TPCN1: variants seen among roughly 807,000 people sequenced by gnomAD.
The protein encoded by TPCN1 is two pore channel protein 1.
TPCN1 carries 52 observed loss-of-function variants against 108.8 expected under a neutral mutation model. The observed-to-expected ratio is 0.48, with a 90% confidence interval of 0.38 to 0.60. The LOEUF (loss-of-function observed/expected upper bound fraction) is 0.60. TPCN1 is among the 20% of genes least tolerant of loss of function. TPCN1 has a pLI of 0.00. For missense variants in TPCN1, 806 were observed against 1,072.8 expected, an observed-to-expected ratio of 0.75 and a Z score of 3.47; for synonymous variants, 446 against 433.7, an observed-to-expected ratio of 1.03 and a Z score of -0.35.
At chr12:113,276,497 A>G (rs2136669175) in intron 10 of TPCN1, among the ~76,000 whole-genome samples, 1 of 152,092 alleles carries the variant, frequency 6.6e-6, no homozygotes, top group Non-Finnish European at 1.5e-5. Flanking sequence ...GGAGGTCAGG[A>G]GGGCAGTGGG....
intron 26 of TPCN1, 64 bp downstream of exon 26, chr12:113,293,137 TTCCC>T: frequency 6.2e-7 from 1 of 1,600,244 alleles, no homozygotes; most frequent in Non-Finnish European, 8.5e-7. Flanking sequence ...GCATAATCCC[TTCCC>T]TCAGATATTG....
At chr12:113,238,647 T>C (rs1405536588) in intron 2 of TPCN1, among the ~76,000 whole-genome samples, 2 of 152,214 alleles carry the variant, frequency 1.3e-5, no homozygotes, top group Admixed American at 6.5e-5. Flanking sequence ...CCTTTGAGGA[T>C]AGTGGTTGTG....
chr12:113,233,785 G>A (rs192993111), intron 2 of TPCN1, among the ~76,000 whole-genome samples: 408 of 152,288 alleles, frequency 2.7e-3, no homozygotes, highest in Middle Eastern at 6.8e-3. Flanking sequence ...TTGGGGGGCC[G>A]TTACTTTCAA....
At position 113,293,649 on chromosome 12, in the gene TPCN1, CAT is replaced by C. The variant is rs551413641; in HGVS notation, c.2334+301_2334+302del. On this transcript the variant is annotated intron_variant, in intron 27 of 27. Transcript: ENST00000335509. ...ACTCTGAGTCAGCTGCAAACTCAAACATGTGTACTAAGAAACACAGTGAGCAA... is the reference window on the plus strand; with the variant it reads ...ACTCTGAGTCAGCTGCAAACTCAAACGTGTACTAAGAAACACAGTGAGCAA... Among the ~76,000 whole-genome samples the C allele has an allele frequency of 6.2e-3, 951 of 152,324 alleles. 8 individuals are homozygous for C. Among genetic ancestry groups the C allele is most frequent in the African/African-American group, 0.021 (882 of 41,568 alleles).
rs530109469 is a variant in TPCN1 at position 113,261,048 on chromosome 12, G to T, written c.237+556G>T. Among the ~76,000 whole-genome samples the T allele has an allele frequency of 6.6e-5, 10 of 152,084 alleles. No homozygotes were observed. The South Asian group carries it at 2.1e-3, about 32-fold the overall frequency. The stretch of plus-strand genomic sequence containing the variant: ...TCTCTACTAAAAATACAAAAAATTA[G>T]CTGGGCGTTGGTGGGCGCCTGTAAT... On this transcript the variant is annotated intron_variant, in intron 3 of 27. Transcript: ENST00000335509.
chr12:113,257,488 CAA>C (rs77052703), intron 2 of TPCN1, among the ~76,000 whole-genome samples: 13 of 96,628 alleles, frequency 1.3e-4, no homozygotes, highest in Non-Finnish European at 1.1e-4. Context: ...GAGACCGTCT[CAA>C]AAAAAAAAAA....
intron 2 of TPCN1, chr12:113,244,542 G>A (rs1954273888): frequency 4.1e-6 from 4 of 985,384 alleles, no homozygotes; most frequent in Admixed American, 6.1e-5. Context: ...TTATCTGGGG[G>A]CCTTTGAAGA....
chr12:113,260,505 A>G lies in TPCN1; in HGVS notation c.237+13A>G. The G allele has an allele frequency of 6.4e-7, 1 of 1,568,352 alleles. No homozygotes were observed. The highest frequency in any genetic ancestry group is 8.6e-7 in the Non-Finnish European group (1 of 1,161,080). ...AATCTACCTCCAGGTGAGTATCTCC[A>G]GTCAGGCCCTGGCAGTTGTCTGCAC... On this transcript the variant is annotated intron_variant, in intron 3 of 27. Coordinates refer to ENST00000335509, the MANE Select transcript of TPCN1 (RefSeq NM_017901.6).
intron 3 of TPCN1, among the ~76,000 whole-genome samples, chr12:113,265,757 CAA>C (rs1440376962): frequency 6.6e-6 from 1 of 151,906 alleles, no homozygotes; most frequent in Admixed American, 6.6e-5. Flanking sequence ...CTTGGCCTCC[CAA>C]AGTGTTGGGA....
Position 113,288,743 on chromosome 12 carries a change from CCT to C in TPCN1, c.1707-14_1707-13del, listed in dbSNP as rs751279876. On this transcript the variant is annotated splice_polypyrimidine_tract_variant and intron_variant, in intron 20 of 27. Transcript: ENST00000335509. The surrounding 1 kb of genome is among the most constrained non-coding windows in gnomAD (Gnocchi z 4.8). ...CCTGCCGGCCCCGCGTCACCCTGCC[CCT>C]GTCGCCCCACAGCCTGGGCCTCACC... is the stretch of plus-strand genomic sequence containing the variant. The C allele has an allele frequency of 6.8e-6, 11 of 1,611,144 alleles. No individual in the cohort carries two copies. Among genetic ancestry groups the C allele is most frequent in the African/African-American group, 1.3e-5 (1 of 74,932 alleles).
In TPCN1 at chr12:113,259,824, G is replaced by T. The variant is rs569164027; in HGVS notation, c.113-544G>T. Among the ~76,000 whole-genome samples the T allele has an allele frequency of 2.0e-5, 3 of 152,356 alleles. No individual in the cohort carries two copies. The East Asian group carries it at 5.8e-4, about 29-fold the overall frequency. ...TGTGGACAGAGAGCAAGGAGGGGAT[G>T]TTCTACAGAGACAGATGGCCCAGTG... is the stretch of plus-strand genomic sequence containing the variant. On this transcript the variant is annotated intron_variant, in intron 2 of 27. Transcript: ENST00000335509.
At position 113,245,490 on chromosome 12, in the gene TPCN1, A is replaced by G. The variant is rs1298204135; in HGVS notation, c.113-14878A>G. 1.0e-4 allele frequency among the ~76,000 whole-genome samples: 15 copies of G among 144,028 alleles called. 1 individual carries two copies. Among genetic ancestry groups the G allele is most frequent in the African/African-American group, 3.7e-4 (14 of 37,834 alleles). 94.5% of individuals were successfully genotyped at this position (144,028 alleles called of 152,430 possible). Reference sequence around the variant, plus strand: ...GTAGCGGGCGCCTGTAGTCCCAGCTACTCGGGAGGCTGAGGCAGGAGAATG... The same window carrying G: ...GTAGCGGGCGCCTGTAGTCCCAGCTGCTCGGGAGGCTGAGGCAGGAGAATG... On this transcript the variant is annotated intron_variant, in intron 2 of 27. Transcript: ENST00000335509.
At chr12:113,280,407 C>T in intron 15 of TPCN1, 1 of 430,570 alleles carries the variant, frequency 2.3e-6, no homozygotes, top group East Asian at 3.3e-5. Context: ...ATCATCCTCT[C>T]TAGACCTAGA....
chr12:113,273,543 C>G lies in TPCN1; in HGVS notation c.843-26C>G, dbSNP rs200747469. On this transcript the variant is annotated intron_variant, in intron 9 of 27. Coordinates refer to ENST00000335509, the MANE Select transcript of TPCN1 (RefSeq NM_017901.6). The surrounding 1 kb of genome is among the most constrained non-coding windows in gnomAD (Gnocchi z 4.0). ...AGGATGGAGACAGGCAGATACAGCA[C>G]GCCGGGTCACCCTCTGCAAATACAG... 7.0e-6 allele frequency: 11 copies of G among 1,580,252 alleles called. No individual in the cohort carries two copies. The highest frequency in any genetic ancestry group is 8.7e-6 in the Non-Finnish European group (10 of 1,149,352).
At position 113,286,928 on chromosome 12, in the gene TPCN1, G is replaced by C. The variant is rs886329490; in HGVS notation, c.1527-59G>C. On this transcript the variant is annotated intron_variant, in intron 18 of 27. Transcript: ENST00000335509. ...TGGCTGTGCACAGGGCCAGGGAGGG[G>C]AGCAGGCGCAGGTAGGCTCAGGGCC... The C allele has an allele frequency of 2.4e-6, 3 of 1,269,358 alleles. No homozygotes were observed. In the African/African-American group the frequency reaches 4.4e-5, roughly 19 times the overall value. The allele number at this position is 1,269,358 out of a possible 1,614,324, so 78.6% of individuals were successfully genotyped here. A position where few individuals can be genotyped will look rare whatever the true frequency, so the allele number is the denominator to read the frequency against.
chr12:113,243,680 A>G (rs1443519620), intron 2 of TPCN1, among the ~76,000 whole-genome samples: 1 of 150,276 alleles, frequency 6.7e-6, no homozygotes, highest in Non-Finnish European at 1.5e-5. Context: ...CTTGAACTTG[A>G]GAGGTGGAGG....
intron 3 of TPCN1, among the ~76,000 whole-genome samples, chr12:113,262,045 G>C (rs1003223199): frequency 1.3e-5 from 2 of 152,154 alleles, no homozygotes; most frequent in Non-Finnish European, 2.9e-5. Context: ...TGCCAATCTT[G>C]TCACTATCAG....
At chr12:113,226,078 A>G (rs1171103727) in intron 1 of TPCN1, among the ~76,000 whole-genome samples, 1 of 144,854 alleles carries the variant, frequency 6.9e-6, no homozygotes, top group South Asian at 2.1e-4. Flanking sequence ...TTACCCAACC[A>G]GCTTTTTTTT....
Position 113,295,836 on chromosome 12 carries a change from A to C in TPCN1, c.2335-124A>C, listed in dbSNP as rs111717424. ...GGCCTGTGACGGGGGTTTCAGTACC[A>C]GCTGGGTGAGGCTGGCAGCCCTGCC... On this transcript the variant is annotated intron_variant, in intron 27 of 27. Coordinates refer to ENST00000335509, the MANE Select transcript of TPCN1 (RefSeq NM_017901.6). 1.3e-3 allele frequency: 1,412 copies of C among 1,107,858 alleles called. 16 individuals carry two copies. In the African/African-American group the frequency reaches 0.017, roughly 14 times the overall value. The allele number at this position is 1,107,858 out of a possible 1,614,324, so 68.6% of individuals were successfully genotyped here.
Sources: gnomAD v4.1 joint callset for allele counts (sites outside exome capture counted in the v4.1 genomes callset) on GRCh38, gnomAD v4.1.1 for gene constraint, Gnocchi (gnomAD v3.1) non-coding constraint, MANE v1.5 for transcripts, NCBI Gene and HGNC (gene_info 2026-07-23, HGNC 2026-07-21) for gene names.